Variants in CDC25C observed in about 807,000 individuals in gnomAD.
The protein encoded by CDC25C is M-phase inducer phosphatase 3.
Under a neutral mutation model 52.5 loss-of-function variants are expected in CDC25C, and 48 were observed. The ratio of observed to expected loss-of-function variants is 0.91; its 90% CI spans 0.72 to 1.16. The LOEUF is 1.16. Ranked by LOEUF, CDC25C falls within the 50% of genes most tolerant of loss-of-function variation. The pLI, the probability that CDC25C is intolerant of heterozygous loss-of-function variation, is 0.00. For synonymous variants in CDC25C, 187 were observed against 206.5 expected (o/e 0.91, Z 0.81); for missense variants, 510 against 566.1 (o/e 0.90, Z 1.01).
chr5:138,318,792 G>C (rs1360147968), intron 7 of CDC25C, among the ~76,000 whole-genome samples: 1 of 152,152 alleles, frequency 6.6e-6, no homozygotes, highest in Non-Finnish European at 1.5e-5. Flanking sequence ...CTCTGTACTT[G>C]AGTCTTTATA....
At chr5:138,312,159 A>G (rs1758502003) in intron 7 of CDC25C, among the ~76,000 whole-genome samples, 1 of 152,146 alleles carries the variant, frequency 6.6e-6, no homozygotes, top group Non-Finnish European at 1.5e-5. Context: ...AAAATTAAAC[A>G]CAGAATAACC....
chr5:138,329,269 C>G (rs1002709088), intron 3 of CDC25C, among the ~76,000 whole-genome samples: 1 of 152,356 alleles, frequency 6.6e-6, no homozygotes, highest in South Asian at 2.1e-4. Flanking sequence ...CAAAACTTCT[C>G]ATATCCTAAT....
chr5:138,299,183 A>C lies in CDC25C; in HGVS notation c.616-7067T>G, dbSNP rs553513096. ...ACTCCAGCCTAGGTTACAGAGGGAG[A>C]CTCTGTCTGGAAAAAAAAAAAAAAA... On this transcript the variant is annotated intron_variant, in intron 7 of 13. Transcript: ENST00000323760. Among the ~76,000 whole-genome samples the C allele has an allele frequency of 1.2e-4, 13 of 108,828 alleles. No individual in the cohort carries two copies. The South Asian group carries it at 4.2e-3, about 35-fold the overall frequency. 71.4% of individuals were successfully genotyped at this position (108,828 alleles called of 152,430 possible). A position where few individuals can be genotyped will look rare whatever the true frequency, so the allele number is the denominator to read the frequency against.
chr5:138,299,214 G>T (rs1215590380), intron 7 of CDC25C, among the ~76,000 whole-genome samples: 2 of 106,808 alleles, frequency 1.9e-5, no homozygotes, highest in East Asian at 5.7e-4. Flanking sequence ...AAAAAAAAAA[G>T]GCCAGGCACA....
chr5:138,317,396 T>C (rs1472024029), intron 7 of CDC25C, among the ~76,000 whole-genome samples: 1 of 152,134 alleles, frequency 6.6e-6, no homozygotes, highest in Non-Finnish European at 1.5e-5. Context: ...ATGCTAAATG[T>C]AGGCCAGGCA....
At chr5:138,313,727 C>G (rs1758629793) in intron 7 of CDC25C, among the ~76,000 whole-genome samples, 1 of 152,026 alleles carries the variant, frequency 6.6e-6, no homozygotes, top group African/African-American at 2.4e-5. Flanking sequence ...CTTCCATTTT[C>G]TCCTCTATAC....
intron 4 of CDC25C, 42 bp downstream of exon 4, chr5:138,328,442 T>C: frequency 6.3e-7 from 1 of 1,592,652 alleles, no homozygotes; most frequent in Non-Finnish European, 8.6e-7. Context: ...TGACCAGTGC[T>C]AAAAGGCTTT....
chr5:138,331,970 G>T (rs1561730389), upstream of CDC25C: 2 of 916,562 alleles, frequency 2.2e-6, no homozygotes, highest in African/African-American at 1.8e-5. Flanking sequence ...TCTGGAAATG[G>T]TAAGACTTGC....
At chr5:138,293,649 CTTT>C (rs1217960715) in intron 7 of CDC25C, among the ~76,000 whole-genome samples, 19 of 138,270 alleles carry the variant, frequency 1.4e-4, no homozygotes, top group Admixed American at 1.5e-4. Context: ...TGAAACTTAT[CTTT>C]TTTTTTTTTT....
chr5:138,310,170 T>C (rs1238873108), intron 7 of CDC25C, among the ~76,000 whole-genome samples: 1 of 152,198 alleles, frequency 6.6e-6, no homozygotes, highest in Non-Finnish European at 1.5e-5. Context: ...CTATTCTTCC[T>C]CAACCCCTTG....
intron 8 of CDC25C, among the ~76,000 whole-genome samples, chr5:138,291,108 T>C (rs1032942975): frequency 6.6e-6 from 1 of 151,854 alleles, no homozygotes; most frequent in Non-Finnish European, 1.5e-5. Context: ...TATCCAAAGA[T>C]TTTAGAATTT....
chr5:138,289,892 T>G, intron 9 of CDC25C, among the ~76,000 whole-genome samples: 1 of 139,684 alleles, frequency 7.2e-6, no homozygotes, highest in East Asian at 2.1e-4. Context: ...AAAAAAGAAA[T>G]AATATGGAGC....
In CDC25C at chr5:138,329,715, G is replaced by A. The variant is rs1021238718; in HGVS notation, c.195-68C>T. The A allele has an allele frequency of 9.7e-6, 6 of 620,236 alleles. No homozygotes were observed. The African/African-American group carries it at 1.2e-4, about 13-fold the overall frequency. The allele number at this position is 620,236 out of a possible 1,614,324, so 38.4% of individuals were successfully genotyped here. On this transcript the variant is annotated intron_variant, in intron 2 of 13. Transcript: ENST00000323760. ...TATATCCTTAAAAGTCAAAGATCAT[G>A]TCATCCTCTTCTTTTTTTTTTTTTT...
chr5:138,338,284 G>A (rs1188577123), exon 1 of CDC25C: 29 of 839,334 alleles, frequency 3.5e-5, no homozygotes, highest in Non-Finnish European at 3.5e-5. Flanking sequence ...TCCGGCCGCG[G>A]CCCTGGGAGC....
At chr5:138,326,895 T>G (rs376093423) in intron 4 of CDC25C, among the ~76,000 whole-genome samples, 19 of 132,400 alleles carry the variant, frequency 1.4e-4, no homozygotes, top group Admixed American at 8.4e-4. Context: ...GAGGTTGTGG[T>G]GAGCCGAGAT....
intron 10 of CDC25C, among the ~76,000 whole-genome samples, chr5:138,287,633 C>T (rs11568005): frequency 3.9e-5 from 6 of 152,034 alleles, no homozygotes; most frequent in Non-Finnish European, 7.4e-5. Flanking sequence ...TGGTTCCCTA[C>T]CCACCATCAA....
At chr5:138,288,617 G>A (rs954020710) in intron 10 of CDC25C, among the ~76,000 whole-genome samples, 50 of 152,194 alleles carry the variant, frequency 3.3e-4, no homozygotes, top group African/African-American at 1.1e-3. Flanking sequence ...AATGACCTCC[G>A]GGAGGCAGAG....
At chr5:138,291,128 A>C (rs11567993) in intron 8 of CDC25C, among the ~76,000 whole-genome samples, 22,572 of 151,832 alleles carry the variant, frequency 0.15, 1,924 homozygotes, top group South Asian at 0.23. Flanking sequence ...TTAATTTTTT[A>C]TTTTATTTTT....
At chr5:138,330,349 G>A (rs560390954) in intron 2 of CDC25C, among the ~76,000 whole-genome samples, 1 of 152,022 alleles carries the variant, frequency 6.6e-6, no homozygotes, top group Non-Finnish European at 1.5e-5. Context: ...TTGAGACATG[G>A]TATGATCAGA....
Sources: allele counts gnomAD v4.1 joint callset (sites outside exome capture counted in the v4.1 genomes callset), GRCh38; gene constraint gnomAD v4.1.1; transcripts MANE v1.5; gene names NCBI Gene and HGNC (gene_info 2026-07-23, HGNC 2026-07-21).